The following CCSER1 variants were observed in gnomAD, a reference collection of about 807,000 sequenced individuals.
CCSER1 encodes the protein coiled-coil serine rich protein 1.
Under a neutral mutation model 82.0 loss-of-function variants are expected in CCSER1, and 41 were observed. That is an observed-to-expected ratio of 0.50 (90% CI 0.39 to 0.65). The LOEUF is 0.65. Ranked by LOEUF, CCSER1 falls within the 30% of genes least tolerant of loss-of-function variation. The probability of loss-of-function intolerance (pLI) is 0.00; values close to 1 mark genes in which losing one functional copy is unlikely to be tolerated. For synonymous variants in CCSER1, 414 were observed against 383.9 expected, an observed-to-expected ratio of 1.08 and a Z score of -0.92; for missense variants, 1,119 against 1,064.2, an observed-to-expected ratio of 1.05 and a Z score of -0.72.
chr4:91,111,719 T>A (rs1226549658), intron 10 of CCSER1, among the ~76,000 whole-genome samples: 1 of 151,732 alleles, frequency 6.6e-6, no homozygotes, highest in Non-Finnish European at 1.5e-5. Context: ...TACTCTATAA[T>A]TCATGAGGTA....
At chr4:90,746,060 A>C (rs760322744) in intron 7 of CCSER1, among the ~76,000 whole-genome samples, 1 of 152,042 alleles carries the variant, frequency 6.6e-6, no homozygotes, top group South Asian at 2.1e-4. Flanking sequence ...CTTTCCATTT[A>C]GTGCCCAATT....
intron 10 of CCSER1, among the ~76,000 whole-genome samples, chr4:91,390,712 G>T (rs1405377920): frequency 2.6e-5 from 4 of 152,048 alleles, no homozygotes; most frequent in African/African-American, 9.7e-5. Context: ...TCTGGGCACT[G>T]TGGTTTCTGT....
intron 3 of CCSER1, among the ~76,000 whole-genome samples, chr4:90,343,788 G>A (rs971458267): frequency 6.6e-6 from 1 of 151,870 alleles, no homozygotes; most frequent in Non-Finnish European, 1.5e-5. Context: ...ATATGTATGA[G>A]GTACATGCGA....
intron 9 of CCSER1, among the ~76,000 whole-genome samples, chr4:91,043,910 G>A (rs1025408513): frequency 5.9e-5 from 9 of 152,122 alleles, no homozygotes; most frequent in African/African-American, 1.9e-4. Flanking sequence ...GGAAAAGCTG[G>A]ATTCAAGAAG....
At chr4:90,784,145 C>G (rs1466211634) in intron 7 of CCSER1, among the ~76,000 whole-genome samples, 2 of 152,084 alleles carry the variant, frequency 1.3e-5, no homozygotes, top group Non-Finnish European at 2.9e-5. Context: ...AAAAGTTACT[C>G]CAAATTAGAG....
intron 10 of CCSER1, among the ~76,000 whole-genome samples, chr4:91,551,650 AAAAC>A (rs1553954362): frequency 5.2e-5 from 6 of 116,024 alleles, no homozygotes; most frequent in Admixed American, 1.1e-4. Context: ...CAGCAGGCAA[AAAAC>A]AAACACACAC....
At chr4:90,354,274 T>C (rs373866682) in intron 3 of CCSER1, among the ~76,000 whole-genome samples, 90 of 152,170 alleles carry the variant, frequency 5.9e-4, no homozygotes, top group African/African-American at 2.1e-3. Flanking sequence ...GTAAACAGTG[T>C]TTACCAGCAG....
intron 5 of CCSER1, among the ~76,000 whole-genome samples, chr4:90,591,138 A>T (rs1164046817): frequency 6.6e-6 from 1 of 152,100 alleles, no homozygotes; most frequent in Admixed American, 6.5e-5. Flanking sequence ...TGATTTTTGT[A>T]CATTGCTGTT....
At position 91,515,248 on chromosome 4, in the gene CCSER1, G is replaced by A. The variant is rs182866693; in HGVS notation, c.2218-83324G>A. ...GGCTCAGGGGTACATGTGCAGGTTT[G>A]TTAATATAGGTAAAGTCAAGTCATG... On this transcript the variant is annotated intron_variant, in intron 10 of 10. Transcript: ENST00000509176. 3.9e-5 allele frequency among the ~76,000 whole-genome samples: 6 copies of A among 152,150 alleles called. No individual in the cohort carries two copies. The East Asian group carries it at 7.7e-4, about 20-fold the overall frequency.
chr4:91,264,396 T>A (rs1393219899), intron 10 of CCSER1, among the ~76,000 whole-genome samples: 1 of 151,892 alleles, frequency 6.6e-6, no homozygotes, highest in African/African-American at 2.4e-5. Context: ...TATAGGGCAT[T>A]TTCTCCATAA....
At chr4:90,718,605 T>C (rs555099094) in intron 6 of CCSER1, among the ~76,000 whole-genome samples, 1 of 152,246 alleles carries the variant, frequency 6.6e-6, no homozygotes, top group Admixed American at 6.5e-5. Context: ...GAGAACTTAA[T>C]AGATTAAAGA....
At chr4:91,051,831 T>C (rs985325635) in intron 9 of CCSER1, among the ~76,000 whole-genome samples, 3 of 152,114 alleles carry the variant, frequency 2.0e-5, no homozygotes, top group Admixed American at 6.6e-5. Flanking sequence ...TTGCTCATTG[T>C]GTACAAATAT....
At position 90,225,594 on chromosome 4, in the gene CCSER1, A is replaced by G. The variant is rs1256551556; in HGVS notation, c.-41-82650A>G. On this transcript the variant is annotated intron_variant, in intron 1 of 10. Transcript: ENST00000509176. ...GAGGCTATGAAACTAGGCTAATGTC[A>G]TAAGTGCTGGAACTAGTCTTTGGTC... is the stretch of plus-strand genomic sequence containing the variant. Among the ~76,000 whole-genome samples, 7 of 152,208 alleles carry G rather than the reference A, an allele frequency of 4.6e-5. No homozygotes were observed. In the South Asian group the frequency reaches 6.2e-4, roughly 14 times the overall value.
chr4:90,300,425 C>T (rs957765701), intron 1 of CCSER1, among the ~76,000 whole-genome samples: 2 of 152,068 alleles, frequency 1.3e-5, no homozygotes, highest in African/African-American at 4.8e-5. Flanking sequence ...AGTATCTTCT[C>T]ATTCTTAAAA....
chr4:90,384,751 A>C (rs1383987278), intron 3 of CCSER1, among the ~76,000 whole-genome samples: 2 of 152,114 alleles, frequency 1.3e-5, no homozygotes, highest in Non-Finnish European at 2.9e-5. Context: ...TTTTTATTTC[A>C]ATAGATTTGG....
rs185985544 is a variant in CCSER1 at position 91,223,907 on chromosome 4, A to G, written c.2217+137913A>G. On this transcript the variant is annotated intron_variant, in intron 10 of 10. Coordinates refer to ENST00000509176, the MANE Select transcript of CCSER1 (RefSeq NM_001145065.2). ...TTCTGGAACGCACTTTGTCTATGCA[A>G]TGAAGTTCATCCTTTCAAAAATGAA... 1.8e-4 allele frequency among the ~76,000 whole-genome samples: 27 copies of G among 152,280 alleles called. No homozygotes were observed. In the East Asian group the frequency reaches 4.1e-3, roughly 23 times the overall value.
chr4:90,433,869 GATAT>G (rs138999636), intron 4 of CCSER1, among the ~76,000 whole-genome samples: 1 of 147,792 alleles, frequency 6.8e-6, no homozygotes. Flanking sequence ...ATTTCCTGGA[GATAT>G]ATATATATAT....
chr4:90,592,668 T>C (rs1027807237), intron 5 of CCSER1, among the ~76,000 whole-genome samples: 4 of 151,774 alleles, frequency 2.6e-5, no homozygotes, highest in Non-Finnish European at 4.4e-5. Flanking sequence ...TTGCCCCATA[T>C]GCTTCTCATT....
intron 9 of CCSER1, among the ~76,000 whole-genome samples, chr4:91,064,503 C>A (rs1744200754): frequency 6.6e-6 from 1 of 152,220 alleles, no homozygotes. Flanking sequence ...AATACAGCAA[C>A]ACTTATGCAG....
Sources: allele counts gnomAD v4.1 joint callset (sites outside exome capture counted in the v4.1 genomes callset), GRCh38; gene constraint gnomAD v4.1.1; transcripts MANE v1.5; gene names NCBI Gene and HGNC (gene_info 2026-07-23, HGNC 2026-07-21).